The following PHKB variants were observed in gnomAD, a reference collection of about 807,000 sequenced individuals.
The protein encoded by PHKB is phosphorylase b kinase regulatory subunit beta.
PHKB carries 122 observed loss-of-function variants against 152.1 expected under a neutral mutation model. The ratio of observed to expected loss-of-function variants is 0.80; its 90% CI spans 0.69 to 0.93. The LOEUF (loss-of-function observed/expected upper bound fraction) is 0.93. Among genes scored for constraint, PHKB ranks in the 40% least tolerant of loss-of-function variants. The pLI is 0.00. For synonymous variants in PHKB, 436 were observed against 464.9 expected (o/e 0.94, Z 0.80); for missense variants, 1,304 against 1,328.4 (o/e 0.98, Z 0.29).
intron 16 of PHKB, 44 bp from the exon 17 acceptor site, chr16:47,648,489 A>G: frequency 1.6e-6 from 2 of 1,282,194 alleles, no homozygotes; most frequent in Non-Finnish European, 2.3e-6. Flanking sequence ...AGAAAGTGAC[A>G]TGGATTCTTA....
intron 1 of PHKB, chr16:47,463,668 C>T (rs1597003816): frequency 2.1e-6 from 1 of 474,770 alleles, no homozygotes; most frequent in South Asian, 2.1e-5. Flanking sequence ...TATGTAATGT[C>T]TAATAAGTGG....
At chr16:47,567,318 T>C (rs899317600) in intron 7 of PHKB, among the ~76,000 whole-genome samples, 2 of 152,084 alleles carry the variant, frequency 1.3e-5, no homozygotes, top group Non-Finnish European at 2.9e-5. Flanking sequence ...GTAAATGGGA[T>C]TGAGTTATTG....
intron 7 of PHKB, among the ~76,000 whole-genome samples, chr16:47,554,619 G>A (rs1971335231): frequency 6.6e-6 from 1 of 152,156 alleles, no homozygotes; most frequent in Non-Finnish European, 1.5e-5. Flanking sequence ...ACCCAGTTTT[G>A]TGCTTGAAAC....
At chr16:47,475,361 G>A (rs1377534601) in intron 1 of PHKB, among the ~76,000 whole-genome samples, 1 of 151,958 alleles carries the variant, frequency 6.6e-6, no homozygotes, top group Non-Finnish European at 1.5e-5. Context: ...TTCTATCTCG[G>A]GAACTTGACC....
At chr16:47,635,465 GA>G (rs1292644302) in intron 14 of PHKB, among the ~76,000 whole-genome samples, 1 of 152,134 alleles carries the variant, frequency 6.6e-6, no homozygotes, top group South Asian at 2.1e-4. Flanking sequence ...GGGTTTGAAG[GA>G]AAAAGGAATT....
chr16:47,561,471 C>A (rs1227171072), intron 7 of PHKB: 1 of 152,164 alleles, frequency 6.6e-6, no homozygotes, highest in African/African-American at 2.4e-5. Context: ...ACAAGAGAAA[C>A]CTTTTTTGTG....
chr16:47,661,779 C>T lies in PHKB; in HGVS notation c.2257C>T (p.Pro753Ser), dbSNP rs771342037. The T allele has an allele frequency of 6.2e-7, 1 of 1,612,524 alleles. No individual in the cohort carries two copies. Among genetic ancestry groups the T allele is most frequent in the East Asian group, 2.2e-5 (1 of 44,856 alleles). The change falls in exon 23 of 31, where the codon CCC becomes TCC. Residue 753 changes from proline (P) to serine (S), a missense_variant. By Grantham distance (74) the Pro-to-Ser change is moderately conservative. Transcript: ENST00000323584. The stretch of plus-strand genomic sequence containing the variant: ...GGGTATACTGCTCAAAAGAGAAGGC[C>T]CCAACTTCATCACAAAGGAAGGTAA... ...LLGILLKREG[P>S]NFITKEGTVS...
chr16:47,529,043 A>G lies in PHKB; in HGVS notation c.594+13442A>G, dbSNP rs1970815460. On this transcript the variant is annotated intron_variant, in intron 6 of 30. Transcript: ENST00000323584. ...TGCTGGGGATTGGAAGTGTTTTCCT[A>G]GGCTTTAACAGTCATCAAGGATATG... The G allele has an allele frequency of 2.0e-5, 3 of 152,226 alleles. No homozygotes were observed. The South Asian group carries it at 6.2e-4, about 32-fold the overall frequency. 9.4% of individuals were successfully genotyped at this position (152,226 alleles called of 1,614,324 possible).
chr16:47,680,168 T>C (rs1331028966), intron 26 of PHKB, among the ~76,000 whole-genome samples: 7 of 152,238 alleles, frequency 4.6e-5, no homozygotes, highest in Admixed American at 4.6e-4. Flanking sequence ...GGATTCAGTT[T>C]GCCAGTATTT....
intron 5 of PHKB, among the ~76,000 whole-genome samples, chr16:47,512,926 T>C (rs1374315924): frequency 6.6e-6 from 1 of 152,212 alleles, no homozygotes; most frequent in Admixed American, 6.5e-5. Context: ...ACAGAAAGTG[T>C]GGTGCTCTCA....
At chr16:47,490,409 A>T (rs537650082) in intron 1 of PHKB, among the ~76,000 whole-genome samples, 3 of 152,248 alleles carry the variant, frequency 2.0e-5, no homozygotes, top group Non-Finnish European at 2.9e-5. Flanking sequence ...TTGCTAACAT[A>T]TACTTAGACA....
At chr16:47,631,985 T>G (rs575028905) in intron 14 of PHKB, among the ~76,000 whole-genome samples, 1 of 152,292 alleles carries the variant, frequency 6.6e-6, no homozygotes, top group Non-Finnish European at 1.5e-5. Context: ...AGCAACACCA[T>G]TTGACCCAGC....
At chr16:47,483,687 A>G (rs1970004072) in intron 1 of PHKB, among the ~76,000 whole-genome samples, 1 of 152,204 alleles carries the variant, frequency 6.6e-6, no homozygotes, top group Admixed American at 6.5e-5. Flanking sequence ...AAGAGAATAG[A>G]ATAGAACACA....
intron 1 of PHKB, chr16:47,464,170 T>C: frequency 1.6e-6 from 1 of 622,306 alleles, no homozygotes; most frequent in Non-Finnish European, 2.9e-6. Flanking sequence ...TGGCCTATTG[T>C]GTTCTTCTCA....
chr16:47,624,308 A>G (rs1244713463), intron 14 of PHKB, among the ~76,000 whole-genome samples: 2 of 152,220 alleles, frequency 1.3e-5, no homozygotes, highest in African/African-American at 2.4e-5. Context: ...CATATCATTA[A>G]TCAGAAGAAA....
intron 25 of PHKB, among the ~76,000 whole-genome samples, chr16:47,668,366 T>A (rs1275206848): frequency 6.6e-6 from 1 of 152,250 alleles, no homozygotes; most frequent in Non-Finnish European, 1.5e-5. Flanking sequence ...ATAGACTCCA[T>A]GTTCTGCTCT....
At chr16:47,508,382 G>A (rs193043949) in intron 4 of PHKB, among the ~76,000 whole-genome samples, 198 of 152,244 alleles carry the variant, frequency 1.3e-3, no homozygotes, top group African/African-American at 4.6e-3. Flanking sequence ...TCTGCAATTA[G>A]TTTGGAGGGC....
chr16:47,548,032 A>T (rs1971204587), intron 7 of PHKB: 1 of 168,192 alleles, frequency 5.9e-6, no homozygotes, highest in African/African-American at 2.4e-5. Context: ...AAGGTGTGTG[A>T]TCAACATCTT....
intron 6 of PHKB, among the ~76,000 whole-genome samples, chr16:47,523,748 T>C (rs1021227557): frequency 2.6e-5 from 4 of 152,344 alleles, no homozygotes; most frequent in Admixed American, 6.5e-5. Context: ...CAGTGTTAAA[T>C]GGTTGCAACT....
Sources: allele counts gnomAD v4.1 joint callset (sites outside exome capture counted in the v4.1 genomes callset), GRCh38; gene constraint gnomAD v4.1.1; transcripts MANE v1.5; gene names NCBI Gene and HGNC (gene_info 2026-07-23, HGNC 2026-07-21).